The following NF1 variants were observed in gnomAD, a reference collection of about 807,000 sequenced individuals.
The protein encoded by NF1 is neurofibromin 1, also known as neurofibromin.
A neutral mutation model predicts 325.7 loss-of-function variants in NF1; 122 were observed. The ratio of observed to expected loss-of-function variants is 0.37; its 90% CI spans 0.32 to 0.44. The LOEUF is 0.44. Among genes scored for constraint, NF1 ranks in the 20% least tolerant of loss-of-function variants. The pLI is 1.00. For missense variants in NF1, 2,140 were observed against 3,415.4 expected, an observed-to-expected ratio of 0.63 and a Z score of 9.31; for synonymous variants, 1,091 against 1,186.0, an observed-to-expected ratio of 0.92 and a Z score of 1.65.
chr17:31,303,376 A>G (rs1305689798), intron 36 of NF1, among the ~76,000 whole-genome samples: 1 of 152,172 alleles, frequency 6.6e-6, no homozygotes, highest in East Asian at 1.9e-4. Context: ...CAGATAATGG[A>G]TAAAGATGAA....
rs2143143348 is a variant in NF1, at chr17:31,095,276, C to T, written c.-34C>T. The T allele has an allele frequency of 6.5e-7, 1 of 1,533,038 alleles. No homozygotes were observed. The allele number at this position is 1,533,038 out of a possible 1,614,324, so 95.0% of individuals were successfully genotyped here. On this transcript the variant is annotated 5_prime_UTR_variant, in exon 1 of 58. Transcript: ENST00000358273. ...TCCCGGCCCAGGGCGCCGGCCCACC[C>T]TTCCCTCCGCCGCCCCCCGGCCGCG...
At chr17:31,259,963 A>G (rs2067655150) in intron 33 of NF1, among the ~76,000 whole-genome samples, 1 of 152,184 alleles carries the variant, frequency 6.6e-6, no homozygotes, top group African/African-American at 2.4e-5. Context: ...ATGTCAGCAT[A>G]GGATTCATAT....
chr17:31,324,688 A>G lies in NF1; in HGVS notation c.4836-1132A>G, dbSNP rs569685736. On this transcript the variant is annotated intron_variant, in intron 36 of 57. Transcript: ENST00000358273. ...GTGATTCTCGTGCCTCAGCCTCCCA[A>G]GTAGCTGGGATTACAGACATGTACC... 2.6e-5 allele frequency among the ~76,000 whole-genome samples: 4 copies of G among 152,018 alleles called. No homozygotes were observed. In the South Asian group the frequency reaches 8.3e-4, roughly 31 times the overall value.
chr17:31,241,830 A>C (rs1265331587), intron 29 of NF1, among the ~76,000 whole-genome samples: 1 of 152,304 alleles, frequency 6.6e-6, no homozygotes, highest in South Asian at 2.1e-4. Context: ...TACTGTTACC[A>C]GTGAATTTTG....
chr17:31,205,902 T>TAA (rs879834365), intron 11 of NF1, among the ~76,000 whole-genome samples: 4 of 141,934 alleles, frequency 2.8e-5, no homozygotes, highest in Non-Finnish European at 6.2e-5. Flanking sequence ...ACATTAAACT[T>TAA]AAAAAAAAAA....
At chr17:31,153,492 A>C (rs1917089609) in intron 1 of NF1, among the ~76,000 whole-genome samples, 1 of 152,230 alleles carries the variant, frequency 6.6e-6, no homozygotes. Flanking sequence ...GTTTTGGCTA[A>C]TATTCCTAAA....
At chr17:31,304,389 T>G (rs764563923) in intron 36 of NF1, 1 of 1,614,016 alleles carries the variant, frequency 6.2e-7, no homozygotes, top group Non-Finnish European at 8.5e-7. Flanking sequence ...TAAAATCTAC[T>G]GGTGGCAGGG....
intron 29 of NF1, among the ~76,000 whole-genome samples, chr17:31,246,959 G>T (rs2067402946): frequency 6.6e-6 from 1 of 152,234 alleles, no homozygotes; most frequent in Non-Finnish European, 1.5e-5. Context: ...CACTTTGGGA[G>T]GCTGAGGTGG....
intron 1 of NF1, among the ~76,000 whole-genome samples, chr17:31,122,939 G>A (rs1914560573): frequency 6.6e-6 from 1 of 151,946 alleles, no homozygotes; most frequent in African/African-American, 2.4e-5. Flanking sequence ...TTTTTTTAAT[G>A]AATGAAATTC....
At chr17:31,253,328 G>T (rs1443431483) in intron 31 of NF1, 7 of 257,156 alleles carry the variant, frequency 2.7e-5, no homozygotes, top group Non-Finnish European at 5.4e-5. Flanking sequence ...AGGAAACGCT[G>T]ACTGTCTTCA....
At chr17:31,099,558 CTT>C (rs34905795) in intron 1 of NF1, among the ~76,000 whole-genome samples, 205 of 123,864 alleles carry the variant, frequency 1.7e-3, no homozygotes, top group Non-Finnish European at 1.7e-3. Context: ...AGGTGTGTAG[CTT>C]TTTTTTTTTT....
intron 5 of NF1, among the ~76,000 whole-genome samples, chr17:31,178,844 G>A (rs1211026511): frequency 6.6e-6 from 1 of 152,082 alleles, no homozygotes; most frequent in Admixed American, 6.5e-5. Context: ...ACCCAATACA[G>A]GAACACCCAG....
intron 1 of NF1, among the ~76,000 whole-genome samples, chr17:31,117,601 A>G (rs1914049328): frequency 7.5e-6 from 1 of 133,892 alleles, no homozygotes; most frequent in African/African-American, 2.8e-5. Context: ...TGAACACGGG[A>G]GGCGGAGCTT....
intron 11 of NF1, among the ~76,000 whole-genome samples, chr17:31,202,743 G>A (rs2066552074): frequency 6.6e-6 from 1 of 152,126 alleles, no homozygotes. Context: ...AATATGCTTT[G>A]TTCCAAAAGG....
At chr17:31,187,371 G>C (rs2143811643) in intron 8 of NF1, among the ~76,000 whole-genome samples, 1 of 152,196 alleles carries the variant, frequency 6.6e-6, no homozygotes, top group South Asian at 2.1e-4. Context: ...GCTAATTTTT[G>C]TATTTTTAGT....
rs2151427050 is a variant in NF1 at position 31,227,303 on chromosome 17, G to C, written c.2325+12G>C. ...CAGGAAACACTGAGGTATGCCCTTA[G>C]CAACAGAAACACCCCTCCCAGGCGC... On this transcript the variant is annotated intron_variant, in intron 19 of 57. Coordinates refer to ENST00000358273, the MANE Select transcript of NF1 (RefSeq NM_001042492.3). The C allele has an allele frequency of 2.5e-6, 4 of 1,613,582 alleles. No homozygotes were observed. The highest frequency in any genetic ancestry group is 1.3e-5 in the African/African-American group (1 of 75,008).
chr17:31,287,503 T>C (rs1310942534), intron 36 of NF1, among the ~76,000 whole-genome samples: 1 of 152,126 alleles, frequency 6.6e-6, no homozygotes, highest in Non-Finnish European at 1.5e-5. Context: ...AGTGAGTGCG[T>C]ATGTATGTTT....
intron 56 of NF1, chr17:31,360,076 C>A: frequency 4.6e-6 from 1 of 216,034 alleles, no homozygotes; most frequent in South Asian, 6.6e-5. Flanking sequence ...GTATATCATA[C>A]AGAAGTTTTT....
chr17:31,212,051 T>C lies in NF1; in HGVS notation c.1393-2400T>C, dbSNP rs1338936889. 1.1e-4 allele frequency among the ~76,000 whole-genome samples: 17 copies of C among 152,188 alleles called. 2 individuals are homozygous for C. The highest frequency in any genetic ancestry group is 1.1e-3 in the Admixed American group (17 of 15,284). ...TTAAATTTTTTAATTTTTTGACTTG[T>C]AATAACACTTAGCTTAAAACACTTT... is the stretch of plus-strand genomic sequence containing the variant. On this transcript the variant is annotated intron_variant, in intron 12 of 57. Transcript: ENST00000358273.
Sources: allele counts gnomAD v4.1 joint callset (sites outside exome capture counted in the v4.1 genomes callset), GRCh38; gene constraint gnomAD v4.1.1; transcripts MANE v1.5; gene names NCBI Gene and HGNC (gene_info 2026-07-23, HGNC 2026-07-21).